Variants in FBXW7 observed in about 807,000 individuals in gnomAD.
FBXW7 encodes the protein F-box and WD repeat domain containing 7, also known as F-box/WD repeat-containing protein 7.
Under a neutral mutation model 86.3 loss-of-function variants are expected in FBXW7, and 11 were observed. The observed-to-expected ratio is 0.13, with a 90% CI of 0.08 to 0.21. The LOEUF is 0.21. Among genes scored for constraint, FBXW7 ranks in the 10% least tolerant of loss-of-function variants. The pLI, the probability that FBXW7 is intolerant of heterozygous loss-of-function variation, is 1.00. For synonymous variants in FBXW7, 313 were observed against 297.9 expected (o/e 1.05, Z -0.52); for missense variants, 488 against 847.4 (o/e 0.58, Z 5.27).
At chr4:152,420,242 A>G (rs548109836) in intron 2 of FBXW7, among the ~76,000 whole-genome samples, 6 of 152,226 alleles carry the variant, frequency 3.9e-5, no homozygotes, top group Admixed American at 2.0e-4. Context: ...AAAAAGCAAC[A>G]CCTCAGCCAT....
chr4:152,452,565 T>A (rs1031247511), intron 2 of FBXW7, among the ~76,000 whole-genome samples: 1 of 152,186 alleles, frequency 6.6e-6, no homozygotes, highest in East Asian at 1.9e-4. Context: ...TTTTTTTAAG[T>A]AGTAGAACAA....
chr4:152,352,740 C>T (rs1324346429), intron 4 of FBXW7: 1 of 1,612,270 alleles, frequency 6.2e-7, no homozygotes, highest in Non-Finnish European at 8.5e-7. Context: ...TACATACATG[C>T]AGCTTGACTG....
intron 4 of FBXW7, among the ~76,000 whole-genome samples, chr4:152,392,500 A>G (rs1736081480): frequency 6.6e-6 from 1 of 152,140 alleles, no homozygotes; most frequent in Non-Finnish European, 1.5e-5. Flanking sequence ...GTCAGCCCTC[A>G]GCTGTTCTAG....
At chr4:152,347,850 CAATT>C (rs1377343322) in intron 5 of FBXW7, among the ~76,000 whole-genome samples, 1 of 151,918 alleles carries the variant, frequency 6.6e-6, no homozygotes, top group East Asian at 1.9e-4. Context: ...TAAAAATGAC[CAATT>C]AATAGCAGAA....
intron 4 of FBXW7, among the ~76,000 whole-genome samples, chr4:152,394,035 T>C (rs1381614229): frequency 1.3e-5 from 2 of 152,118 alleles, no homozygotes; most frequent in Non-Finnish European, 2.9e-5. Context: ...AGGAATGAAG[T>C]TAATATCCTA....
chr4:152,340,926 T>A (rs77567385), intron 6 of FBXW7, among the ~76,000 whole-genome samples: 2,089 of 152,310 alleles, frequency 0.014, 27 homozygotes, highest in Middle Eastern at 0.037. Context: ...GGCCAAGAAG[T>A]CTTTGGTCAT....
At chr4:152,342,840 T>C (rs1218274132) in intron 6 of FBXW7, among the ~76,000 whole-genome samples, 4 of 152,242 alleles carry the variant, frequency 2.6e-5, no homozygotes, top group Admixed American at 1.3e-4. Flanking sequence ...GTCGTTAAAA[T>C]GTTAAAAACA....
intron 11 of FBXW7, 103 bp from the exon 12 acceptor site, chr4:152,326,334 C>CTTT (rs367926135): frequency 1.5e-5 from 8 of 549,220 alleles, no homozygotes; most frequent in South Asian, 2.2e-5. Flanking sequence ...GGTTTTTTAG[C>CTTT]TTTTTTTTTT....
At chr4:152,522,454 A>T (rs1356043458) in intron 2 of FBXW7, among the ~76,000 whole-genome samples, 1 of 152,226 alleles carries the variant, frequency 6.6e-6, no homozygotes, top group Non-Finnish European at 1.5e-5. Flanking sequence ...CATCTTTATC[A>T]ATAATCAGCA....
At chr4:152,343,517 AT>A (rs1344534786) in intron 6 of FBXW7, among the ~76,000 whole-genome samples, 1 of 152,202 alleles carries the variant, frequency 6.6e-6, no homozygotes, top group African/African-American at 2.4e-5. Flanking sequence ...ATGGTTATAT[AT>A]TAATGAAATT....
intron 2 of FBXW7, among the ~76,000 whole-genome samples, chr4:152,514,732 T>C (rs999193340): frequency 6.6e-6 from 1 of 152,214 alleles, no homozygotes; most frequent in Non-Finnish European, 1.5e-5. Context: ...CTCTCTGCCA[T>C]GAGTGGAAGC....
intron 2 of FBXW7, among the ~76,000 whole-genome samples, chr4:152,488,952 AT>A (rs1745596818): frequency 6.6e-6 from 1 of 152,084 alleles, no homozygotes; most frequent in African/African-American, 2.4e-5. Context: ...ATCTGTAAAA[AT>A]TACTGTAAGG....
chr4:152,466,479 C>T (rs770901490), intron 2 of FBXW7, among the ~76,000 whole-genome samples: 5 of 151,226 alleles, frequency 3.3e-5, no homozygotes, highest in African/African-American at 4.9e-5. Flanking sequence ...CACTTGAACC[C>T]GGGAGGCAGA....
At chr4:152,449,842 C>T (rs1221718122) in intron 2 of FBXW7, among the ~76,000 whole-genome samples, 3 of 152,130 alleles carry the variant, frequency 2.0e-5, no homozygotes, top group Non-Finnish European at 4.4e-5. Context: ...AAGGGAGGGT[C>T]GCATTAATAC....
chr4:152,430,695 A>G (rs575539435), intron 2 of FBXW7, among the ~76,000 whole-genome samples: 41 of 152,168 alleles, frequency 2.7e-4, no homozygotes, highest in Non-Finnish European at 4.7e-4. Context: ...ATTGACAGAT[A>G]AGAACATTAG....
intron 2 of FBXW7, among the ~76,000 whole-genome samples, chr4:152,483,794 TTTTA>T (rs1404703246): frequency 3.5e-4 from 51 of 146,656 alleles, no homozygotes; most frequent in Admixed American, 2.5e-3. Flanking sequence ...CCTTCTCAGT[TTTTA>T]TTTATTTGGA....
In FBXW7 at chr4:152,460,208, G is replaced by C. The variant is rs139881210; in HGVS notation, c.-119-47679C>G. ...ACTAAAATTAAACAATAACCTTAAT[G>C]AGATATACCATGTTCATAAGTTAGA... On this transcript the variant is annotated intron_variant, in intron 2 of 13. Coordinates refer to ENST00000281708, the MANE Select transcript of FBXW7 (RefSeq NM_001349798.2). Among the ~76,000 whole-genome samples the C allele has an allele frequency of 2.6e-3, 391 of 152,224 alleles. 3 individuals are homozygous for C. The highest frequency in any genetic ancestry group is 8.8e-3 in the African/African-American group (366 of 41,532).
chr4:152,476,316 C>A (rs1239822376), intron 2 of FBXW7, among the ~76,000 whole-genome samples: 2 of 152,002 alleles, frequency 1.3e-5, no homozygotes, highest in Non-Finnish European at 2.9e-5. Flanking sequence ...ATAACTTATG[C>A]AAACAAAAGG....
intron 6 of FBXW7, among the ~76,000 whole-genome samples, chr4:152,345,976 G>A (rs1353853822): frequency 1.3e-5 from 2 of 151,982 alleles, no homozygotes; most frequent in Non-Finnish European, 2.9e-5. Flanking sequence ...TACTATGGAG[G>A]CTAATATCAG....
Sources: allele counts gnomAD v4.1 joint callset (sites outside exome capture counted in the v4.1 genomes callset), GRCh38; gene constraint gnomAD v4.1.1; transcripts MANE v1.5; gene names NCBI Gene and HGNC (gene_info 2026-07-23, HGNC 2026-07-21).